Variants in CBFA2T2 observed in about 807,000 individuals in gnomAD.
The protein encoded by CBFA2T2 is protein CBFA2T2.
A neutral mutation model predicts 62.2 loss-of-function variants in CBFA2T2; 11 were observed. The observed-to-expected ratio is 0.18, with a 90% CI of 0.11 to 0.29. The LOEUF is 0.29. CBFA2T2 is among the 10% of genes least tolerant of loss of function. The probability of loss-of-function intolerance (pLI) is 1.00; values close to 1 mark genes in which losing one functional copy is unlikely to be tolerated. For synonymous variants in CBFA2T2, 295 were observed against 287.5 expected (o/e 1.03, Z -0.27); for missense variants, 592 against 774.1 (o/e 0.76, Z 2.79).
In CBFA2T2 at chr20:33,627,189, A is replaced by T. The variant is rs553158379; in HGVS notation, c.947-1161A>T. On this transcript the variant is annotated intron_variant, in intron 6 of 10. Transcript: ENST00000342704. ...TAGGTGGGCGAATCGTGAGGTCAGGAGATCGAGACCATCCTGGCTAACATG... is the reference window on the plus strand; with the variant it reads ...TAGGTGGGCGAATCGTGAGGTCAGGTGATCGAGACCATCCTGGCTAACATG... Among the ~76,000 whole-genome samples, 20 of 152,218 alleles carry T rather than the reference A, an allele frequency of 1.3e-4. No homozygotes were observed. In the East Asian group the frequency reaches 3.7e-3, roughly 28 times the overall value.
Position 33,607,286 on chromosome 20 carries a change from G to T in CBFA2T2, c.178+187G>T, listed in dbSNP as rs976410579. 3.9e-5 allele frequency among the ~76,000 whole-genome samples: 6 copies of T among 152,046 alleles called. No individual in the cohort carries two copies. The East Asian group carries it at 1.2e-3, about 29-fold the overall frequency. ...TTTTACCCTCTGAGAATAATACTTA[G>T]CTTATTTGGATATTTAGTTGTTTAA... is the stretch of plus-strand genomic sequence containing the variant. On this transcript the variant is annotated intron_variant, in intron 2 of 10. Transcript: ENST00000342704.
chr20:33,602,227 C>A (rs1157171668), intron 1 of CBFA2T2, among the ~76,000 whole-genome samples: 1 of 151,880 alleles, frequency 6.6e-6, no homozygotes, highest in African/African-American at 2.4e-5. Flanking sequence ...GTTGAAATAT[C>A]CCCAGGGACA....
chr20:33,586,298 C>T (rs59582111), intron 1 of CBFA2T2, among the ~76,000 whole-genome samples: 21,023 of 152,158 alleles, frequency 0.14, 1,966 homozygotes, highest in East Asian at 0.4. Context: ...TGTGCCTCAG[C>T]CTCCTGAGTA....
chr20:33,568,176 C>G (rs1198037493), intron 1 of CBFA2T2, among the ~76,000 whole-genome samples: 1 of 152,132 alleles, frequency 6.6e-6, no homozygotes, highest in African/African-American at 2.4e-5. Context: ...AAAATGAGTT[C>G]TAAGGATTTA....
In CBFA2T2 at chr20:33,624,843, C is replaced by G; in HGVS notation, c.772C>G (p.Pro258Ala). Residue 258 changes from proline to alanine, a missense_variant, in exon 6 of 11, where the codon CCT becomes GCT. Around this residue, in one of 3 missense-constraint regions of CBFA2T2, gnomAD observed 449 missense variants for 551.2 expected, o/e 0.81. Transcript: ENST00000342704. ...GAGAGTATGTACCATCAGCCCTGCT[C>G]CTCGGCACAGTCCTGCTCTCACTGT... ...AKRVCTISPA[P>A]RHSPALTVPL... The G allele has an allele frequency of 6.2e-7, 1 of 1,614,188 alleles. No homozygotes were observed. The highest frequency in any genetic ancestry group is 8.5e-7 in the Non-Finnish European group (1 of 1,180,028).
intron 1 of CBFA2T2, among the ~76,000 whole-genome samples, chr20:33,519,795 T>A (rs1600922583): frequency 6.6e-6 from 1 of 152,266 alleles, no homozygotes; most frequent in East Asian, 1.9e-4. Flanking sequence ...ACCTGAAGAC[T>A]CCTTTGAGGA....
In CBFA2T2 at chr20:33,541,300, G is replaced by A. The variant is rs181009068; in HGVS notation, c.34+50999G>A. ...TTGTTCAGAGGTCAAGTGATTAGAA[G>A]CAGGTTAAGCCAAAGTTAGACTCAT... On this transcript the variant is annotated intron_variant, in intron 1 of 10. Coordinates refer to ENST00000342704, the MANE Select transcript of CBFA2T2 (RefSeq NM_001032999.3). Among the ~76,000 whole-genome samples, 8 of 152,348 alleles carry A rather than the reference G, an allele frequency of 5.3e-5. No individual in the cohort carries two copies. The East Asian group carries it at 1.3e-3, about 26-fold the overall frequency.
chr20:33,594,298 T>G (rs963767972), intron 1 of CBFA2T2, among the ~76,000 whole-genome samples: 3 of 152,176 alleles, frequency 2.0e-5, no homozygotes, highest in African/African-American at 7.2e-5. Flanking sequence ...CTCGGCTCAC[T>G]GCAACCTCTG....
intron 1 of CBFA2T2, among the ~76,000 whole-genome samples, chr20:33,512,311 A>C (rs1389121456): frequency 6.6e-6 from 1 of 152,038 alleles, no homozygotes; most frequent in African/African-American, 2.4e-5. Context: ...AGATGGGGCT[A>C]CTGCACTCCA....
At chr20:33,546,289 C>T (rs2012565355) in intron 1 of CBFA2T2, among the ~76,000 whole-genome samples, 1 of 151,996 alleles carries the variant, frequency 6.6e-6, no homozygotes, top group Non-Finnish European at 1.5e-5. Flanking sequence ...CCTTAGCAGC[C>T]ACACTGTAAA....
chr20:33,642,163 T>TGTGG, intron 10 of CBFA2T2, among the ~76,000 whole-genome samples: 1 of 146,908 alleles, frequency 6.8e-6, no homozygotes, highest in Non-Finnish European at 1.5e-5. Flanking sequence ...TGTGTGTGTG[T>TGTGG]GGATAACAGG....
At chr20:33,581,861 G>A (rs114429827) in intron 1 of CBFA2T2, among the ~76,000 whole-genome samples, 237 of 152,254 alleles carry the variant, frequency 1.6e-3, no homozygotes, top group African/African-American at 5.5e-3. Context: ...GCTAAGCTGG[G>A]ACCTGTATGT....
In CBFA2T2 at chr20:33,624,868, T is replaced by C. The variant is rs760634467; in HGVS notation, c.797T>C (p.Val266Ala). ...PAPRHSPALT[V>A]PLMNPGGQFH... Reference sequence around the variant, plus strand: ...CCTCGGCACAGTCCTGCTCTCACTGTGCCCCTCATGAATCCCGGGGGCCAA... The same window carrying C: ...CCTCGGCACAGTCCTGCTCTCACTGCGCCCCTCATGAATCCCGGGGGCCAA... Residue 266 changes from valine (V) to alanine (A), a missense_variant, in exon 6 of 11, where the codon GTG (valine) becomes GCG (alanine). Transcript: ENST00000342704. The C allele has an allele frequency of 1.1e-5, 17 of 1,614,192 alleles. No homozygotes were observed. Among genetic ancestry groups the C allele is most frequent in the Admixed American group, 1.7e-5 (1 of 60,022 alleles).
intron 1 of CBFA2T2, among the ~76,000 whole-genome samples, chr20:33,508,156 G>A (rs764622137): frequency 1.3e-5 from 2 of 152,062 alleles, no homozygotes; most frequent in African/African-American, 2.4e-5. Flanking sequence ...GTGCAGTGGC[G>A]CAATCTCAGC....
At chr20:33,572,147 T>C (rs2013599911) in intron 1 of CBFA2T2, among the ~76,000 whole-genome samples, 1 of 152,166 alleles carries the variant, frequency 6.6e-6, no homozygotes, top group Non-Finnish European at 1.5e-5. Flanking sequence ...CCAACCTTGT[T>C]TATATGAGGA....
intron 1 of CBFA2T2, among the ~76,000 whole-genome samples, chr20:33,576,101 A>G (rs1288809860): frequency 2.6e-5 from 4 of 152,156 alleles, no homozygotes; most frequent in Middle Eastern, 3.4e-3. Flanking sequence ...AGGTGTTTAT[A>G]AGAAGCTGTA....
At chr20:33,606,323 A>T (rs2015338164) in intron 1 of CBFA2T2, among the ~76,000 whole-genome samples, 1 of 152,152 alleles carries the variant, frequency 6.6e-6, no homozygotes, top group Non-Finnish European at 1.5e-5. Context: ...AAGACTGCTA[A>T]CTTTCAGTTC....
chr20:33,558,831 C>T (rs209674), intron 1 of CBFA2T2, among the ~76,000 whole-genome samples: 18 of 150,902 alleles, frequency 1.2e-4, no homozygotes, highest in Middle Eastern at 6.8e-3. Flanking sequence ...TTTGGGGGGG[C>T]GGCGATTCTT....
intron 1 of CBFA2T2, among the ~76,000 whole-genome samples, chr20:33,499,446 A>T (rs1221786141): frequency 6.6e-6 from 1 of 152,198 alleles, no homozygotes; most frequent in African/African-American, 2.4e-5. Flanking sequence ...CTGTAGTAAT[A>T]GTTTACATGT....
Sources: allele counts gnomAD v4.1 joint callset (sites outside exome capture counted in the v4.1 genomes callset), GRCh38; gene constraint gnomAD v4.1.1; regional missense constraint gnomAD v4.1.1; transcripts MANE v1.5; gene names NCBI Gene and HGNC (gene_info 2026-07-23, HGNC 2026-07-21).